PDE4D: variants seen among roughly 807,000 people sequenced by gnomAD.
PDE4D encodes phosphodiesterase 4D.
In PDE4D, 24 loss-of-function variants were observed where a neutral mutation model predicts 87.4. That is an observed-to-expected ratio of 0.27 (90% CI 0.20 to 0.39). The LOEUF (loss-of-function observed/expected upper bound fraction) is 0.39. PDE4D is among the 10% of genes least tolerant of loss of function. The pLI is 1.00. For missense variants in PDE4D, 714 were observed against 1,041.0 expected, an observed-to-expected ratio of 0.69 and a Z score of 4.32; for synonymous variants, 384 against 383.2, an observed-to-expected ratio of 1.00 and a Z score of -0.02.
At chr5:60,105,279 G>T (rs1310044009) in intron 2 of PDE4D, among the ~76,000 whole-genome samples, 3 of 152,094 alleles carry the variant, frequency 2.0e-5, no homozygotes, top group Non-Finnish European at 2.9e-5. Flanking sequence ...AAGATGAAAT[G>T]AATGAAATGA....
intron 1 of PDE4D, among the ~76,000 whole-genome samples, chr5:59,333,792 CTAAGAT>C (rs144847203): frequency 0.018 from 2,694 of 152,092 alleles, 86 homozygotes; most frequent in African/African-American, 0.061. Flanking sequence ...AAATAACCTG[CTAAGAT>C]TATTTCTGGT....
chr5:59,506,464 G>A (rs1348449814), intron 1 of PDE4D, among the ~76,000 whole-genome samples: 1 of 152,132 alleles, frequency 6.6e-6, no homozygotes, highest in Admixed American at 6.5e-5. Context: ...CAGGTATATA[G>A]TTTAAATAGA....
At chr5:59,671,970 A>T (rs1314056087) in intron 1 of PDE4D, among the ~76,000 whole-genome samples, 1 of 152,130 alleles carries the variant, frequency 6.6e-6, no homozygotes, top group Non-Finnish European at 1.5e-5. Flanking sequence ...CTGACATTTA[A>T]ATGTATGATT....
intron 1 of PDE4D, among the ~76,000 whole-genome samples, chr5:60,339,864 G>T (rs1287868526): frequency 6.6e-6 from 1 of 152,200 alleles, no homozygotes; most frequent in Non-Finnish European, 1.5e-5. Context: ...TCTGTGTTCT[G>T]CATGGATGTG....
At chr5:59,586,241 C>G (rs1825098646) in intron 1 of PDE4D, 1 of 977,360 alleles carries the variant, frequency 1.0e-6, no homozygotes, top group Non-Finnish European at 1.6e-6. Context: ...TACCAATACT[C>G]TAGTTCAAGA....
intron 5 of PDE4D, among the ~76,000 whole-genome samples, chr5:59,081,667 C>T (rs961214765): frequency 4.6e-5 from 7 of 151,956 alleles, no homozygotes; most frequent in African/African-American, 1.7e-4. Flanking sequence ...ATATCTTTTC[C>T]TCAAATTTAT....
At chr5:59,356,923 C>A in intron 1 of PDE4D, 2 of 1,444,590 alleles carry the variant, frequency 1.4e-6, no homozygotes, top group South Asian at 1.6e-5. Flanking sequence ...CCTGAGGCCC[C>A]GCACGGAGCA....
At chr5:59,057,139 C>T (rs533561824) in intron 5 of PDE4D, among the ~76,000 whole-genome samples, 10 of 152,276 alleles carry the variant, frequency 6.6e-5, no homozygotes, top group African/African-American at 2.4e-4. Flanking sequence ...TTGGTTAGAT[C>T]CAGCTCTGCC....
chr5:59,469,076 C>G (rs1030060780), intron 1 of PDE4D, among the ~76,000 whole-genome samples: 12 of 151,996 alleles, frequency 7.9e-5, no homozygotes, highest in African/African-American at 2.9e-4. Flanking sequence ...GCTTGTAATC[C>G]CAGCACTTTG....
At chr5:59,862,762 T>G (rs1409424756) in intron 1 of PDE4D, among the ~76,000 whole-genome samples, 1 of 152,178 alleles carries the variant, frequency 6.6e-6, no homozygotes, top group Non-Finnish European at 1.5e-5. Context: ...TTTCTTAATA[T>G]CTCTGTGCCT....
At chr5:59,479,878 A>G (rs1027056337) in intron 1 of PDE4D, among the ~76,000 whole-genome samples, 3 of 152,054 alleles carry the variant, frequency 2.0e-5, no homozygotes, top group African/African-American at 4.8e-5. Context: ...ACAGTACTGA[A>G]CTCATAAAAA....
intron 1 of PDE4D, among the ~76,000 whole-genome samples, chr5:59,487,802 G>A (rs1329156064): frequency 6.6e-6 from 1 of 152,164 alleles, no homozygotes; most frequent in Admixed American, 6.5e-5. Context: ...GTTAGGAGGA[G>A]AAATAGCTCC....
chr5:59,491,182 T>C (rs1395242528), intron 1 of PDE4D, among the ~76,000 whole-genome samples: 1 of 152,234 alleles, frequency 6.6e-6, no homozygotes, highest in Non-Finnish European at 1.5e-5. Context: ...CACTTTTCTC[T>C]ATGTTTAAAA....
At chr5:59,317,775 A>T (rs1008571959) in intron 1 of PDE4D, among the ~76,000 whole-genome samples, 2 of 152,058 alleles carry the variant, frequency 1.3e-5, no homozygotes, top group Non-Finnish European at 2.9e-5. Context: ...AATTTCCCTT[A>T]ATTTTTTCCA....
intron 1 of PDE4D, among the ~76,000 whole-genome samples, chr5:60,241,371 T>A (rs991430614): frequency 4.0e-5 from 6 of 150,978 alleles, no homozygotes; most frequent in Admixed American, 2.0e-4. Context: ...CCTCCAGGGT[T>A]CAAGCAATTC....
At chr5:60,511,943 C>T (rs577909833) in intron 1 of PDE4D, among the ~76,000 whole-genome samples, 7 of 151,988 alleles carry the variant, frequency 4.6e-5, no homozygotes, top group Non-Finnish European at 1.0e-4. Context: ...AAATATAAGT[C>T]GTAAGTCAAA....
chr5:59,011,712 C>T (rs886150510), intron 6 of PDE4D, among the ~76,000 whole-genome samples: 43 of 152,144 alleles, frequency 2.8e-4, no homozygotes, highest in African/African-American at 1.0e-3. Context: ...AGAATGGAAC[C>T]AAGTTGGAAA....
At chr5:60,397,258 G>A (rs1762946446) in intron 1 of PDE4D, among the ~76,000 whole-genome samples, 1 of 152,152 alleles carries the variant, frequency 6.6e-6, no homozygotes, top group African/African-American at 2.4e-5. Flanking sequence ...ATTAAAAATA[G>A]AACTACCATA....
intron 1 of PDE4D, among the ~76,000 whole-genome samples, chr5:59,237,785 GTGTGTGTGTGTGTGTGTGT>G (rs1756792331): frequency 4.8e-5 from 7 of 147,020 alleles, no homozygotes; most frequent in Admixed American, 6.8e-5. Flanking sequence ...TCATATAGGT[GTGTGTGTGTGTGTGTGTGT>G]GTGTGTGTGT....
Sources: gnomAD v4.1 joint callset for allele counts (sites outside exome capture counted in the v4.1 genomes callset) on GRCh38, gnomAD v4.1.1 for gene constraint, MANE v1.5 for transcripts, NCBI Gene and HGNC (gene_info 2026-07-23, HGNC 2026-07-21) for gene names.